Variants in DNAH12 observed in about 807,000 individuals in gnomAD.
DNAH12 encodes dynein axonemal heavy chain 12.
A neutral mutation model predicts 371.5 loss-of-function variants in DNAH12; 285 were observed. The observed-to-expected ratio is 0.77, with a 90% CI of 0.70 to 0.85. The LOEUF (loss-of-function observed/expected upper bound fraction) is 0.85. DNAH12 is among the 40% of genes least tolerant of loss of function. DNAH12 has a pLI of 0.00. For missense variants in DNAH12, 3,611 were observed against 3,689.4 expected, an observed-to-expected ratio of 0.98 and a Z score of 0.55; for synonymous variants, 1,200 against 1,213.0, an observed-to-expected ratio of 0.99 and a Z score of 0.22.
At chr3:57,416,948 C>T (rs1251846638) in intron 37 of DNAH12, among the ~76,000 whole-genome samples, 1 of 152,070 alleles carries the variant, frequency 6.6e-6, no homozygotes, top group East Asian at 1.9e-4. Context: ...TGTTACTACA[C>T]AATACATAAA....
At chr3:57,503,911 A>C (rs1200717644) in intron 9 of DNAH12, 105 bp downstream of exon 9, 1 of 899,374 alleles carries the variant, frequency 1.1e-6, no homozygotes, top group African/African-American at 1.7e-5. Context: ...TAATTGGGGG[A>C]GGAAAATAAC....
chr3:57,347,715 C>A (rs1553658546), intron 60 of DNAH12, among the ~76,000 whole-genome samples: 1 of 119,566 alleles, frequency 8.4e-6, no homozygotes, highest in African/African-American at 2.7e-5. Flanking sequence ...GATCAAGAAT[C>A]TGTCTTAAAA....
In DNAH12 at chr3:57,405,717, A is replaced by G; in HGVS notation, c.6512T>C (p.Ile2171Thr). The G allele has an allele frequency of 6.4e-7, 1 of 1,551,672 alleles. No individual in the cohort carries two copies. The highest frequency in any genetic ancestry group is 8.7e-7 in the Non-Finnish European group (1 of 1,146,974). ...AAATGATTCTTTAAAATGGTCCTTT[A>G]TAACAGTTTTAGTTAACTGGAACAG... ...RWLFQLTKTV[I>T]KDHFKESFHS... Residue 2171 changes from isoleucine to threonine, a missense_variant, in exon 41 of 74, where the codon ATA (isoleucine) becomes ACA (threonine). Ile to Thr is a moderately conservative substitution (Grantham distance 89). This residue lies in a region of DNAH12 where 2,266 missense variants were observed against 2,236.9 expected (regional missense o/e 1.01). Transcript: ENST00000495027.
intron 33 of DNAH12, 144 bp downstream of exon 33, chr3:57,429,547 C>A: frequency 1.4e-6 from 1 of 714,196 alleles, no homozygotes; most frequent in Non-Finnish European, 2.3e-6. Flanking sequence ...CTCATCCTCC[C>A]TAAACAAGCA....
intron 62 of DNAH12, among the ~76,000 whole-genome samples, chr3:57,328,547 G>T (rs1364819269): frequency 6.6e-6 from 1 of 151,776 alleles, no homozygotes. Flanking sequence ...ATTAGGTATT[G>T]ATGGGATGTA....
chr3:57,466,068 T>TCACACA (rs10616496), intron 17 of DNAH12, among the ~76,000 whole-genome samples: 13 of 149,626 alleles, frequency 8.7e-5, no homozygotes, highest in African/African-American at 2.0e-4. Context: ...CACATGCAAT[T>TCACACA]CACACACACA....
At chr3:57,552,125 G>C in the DNAH12 span, among the ~76,000 whole-genome samples, 2 of 151,744 alleles carry the variant, frequency 1.3e-5, no homozygotes, top group Admixed American at 1.3e-4. Flanking sequence ...GGTGCCTGCA[G>C]TCCCAGCTAC....
intron 37 of DNAH12, among the ~76,000 whole-genome samples, chr3:57,417,363 G>A (rs140409282): frequency 1.3e-3 from 191 of 152,258 alleles, no homozygotes; most frequent in African/African-American, 4.4e-3. Context: ...TATTAATTTT[G>A]AAAACTGTTA....
intron 59 of DNAH12, among the ~76,000 whole-genome samples, chr3:57,355,667 C>T (rs2062781990): frequency 6.6e-6 from 1 of 152,068 alleles, no homozygotes; most frequent in South Asian, 2.1e-4. Context: ...CCAATTACTC[C>T]ACATCCTCAC....
At chr3:57,307,333 C>T (rs996517180) in intron 69 of DNAH12, among the ~76,000 whole-genome samples, 5 of 152,142 alleles carry the variant, frequency 3.3e-5, no homozygotes, top group Non-Finnish European at 5.9e-5. Context: ...CTTTCCATTC[C>T]TTGAAGACAG....
At chr3:57,458,580 G>A (rs1251344315) in intron 20 of DNAH12, among the ~76,000 whole-genome samples, 1 of 152,052 alleles carries the variant, frequency 6.6e-6, no homozygotes, top group Non-Finnish European at 1.5e-5. Context: ...CAAGGAGTTG[G>A]CAAACTACAT....
chr3:57,390,797 C>T (rs2063607078), intron 45 of DNAH12, among the ~76,000 whole-genome samples: 1 of 151,938 alleles, frequency 6.6e-6, no homozygotes, highest in African/African-American at 2.4e-5. Context: ...CTTGTTTTGC[C>T]CTACTCCAAT....
intron 62 of DNAH12, among the ~76,000 whole-genome samples, chr3:57,325,128 C>A (rs2061907445): frequency 6.6e-6 from 1 of 152,256 alleles, no homozygotes; most frequent in Admixed American, 6.5e-5. Flanking sequence ...CTGTAGGCTC[C>A]ACCTCTGGGG....
intron 58 of DNAH12, among the ~76,000 whole-genome samples, chr3:57,360,668 C>T (rs1267077413): frequency 7.2e-6 from 1 of 138,674 alleles, no homozygotes; most frequent in Non-Finnish European, 1.5e-5. Flanking sequence ...GCCTGGGCAA[C>T]AAGAGCGAAA....
chr3:57,489,608 T>G lies in DNAH12; in HGVS notation c.1415A>C (p.Asp472Ala). Residue 472 changes from aspartate (D) to alanine (A), a missense_variant, in exon 12 of 74, where the codon GAT becomes GCT. By Grantham distance (126) the Asp-to-Ala change is moderately radical. Transcript: ENST00000495027. ...CAGGCCTGTCTTCAAATCTTCACAATCCAAACGCACCATAGTGTAATGAAT... is the reference window on the plus strand; with the variant it reads ...CAGGCCTGTCTTCAAATCTTCACAAGCCAAACGCACCATAGTGTAATGAAT... The part of the protein sequence containing the change: ...QWIHYTMVRL[D>A]CEDLKTGLTN... The G allele has an allele frequency of 1.3e-6, 2 of 1,543,866 alleles. No homozygotes were observed. Among genetic ancestry groups the G allele is most frequent in the African/African-American group, 1.4e-5 (1 of 72,566 alleles).
At chr3:57,429,069 A>G (rs1331782863) in intron 33 of DNAH12, among the ~76,000 whole-genome samples, 1 of 152,172 alleles carries the variant, frequency 6.6e-6, no homozygotes, top group Non-Finnish European at 1.5e-5. Context: ...TCCAAATCCA[A>G]TCTCCCTGGA....
chr3:57,484,357 A>G lies in DNAH12; in HGVS notation c.1515-846T>C, dbSNP rs150628524. On this transcript the variant is annotated intron_variant, in intron 12 of 73. Transcript: ENST00000495027. ...ATGAACCTAGATATCCTACAGCATT[A>G]TTCAACTAAAGTTACATTTCATGGA... 2.6e-3 allele frequency among the ~76,000 whole-genome samples: 393 copies of G among 152,298 alleles called. 1 individual carries two copies. The highest frequency in any genetic ancestry group is 7.9e-3 in the African/African-American group (329 of 41,560).
At chr3:57,343,071 C>T (rs1449129632) in intron 60 of DNAH12, among the ~76,000 whole-genome samples, 1 of 142,286 alleles carries the variant, frequency 7.0e-6, no homozygotes, top group African/African-American at 2.8e-5. Context: ...GACTCTGTCT[C>T]AAAAGAAAAA....
chr3:57,491,844 A>T lies in DNAH12; in HGVS notation c.1336-2157T>A, dbSNP rs571475037. On this transcript the variant is annotated intron_variant, in intron 11 of 73. Coordinates refer to ENST00000495027, the MANE Select transcript of DNAH12 (RefSeq NM_001366028.2). Reference sequence around the variant, plus strand: ...AACATGGTGAAACCCTATCTCTACAAAAAATACAAAAATTAGCCAGGTGTT... The same window carrying T: ...AACATGGTGAAACCCTATCTCTACATAAAATACAAAAATTAGCCAGGTGTT... Among the ~76,000 whole-genome samples, 7 of 152,148 alleles carry T rather than the reference A, an allele frequency of 4.6e-5. No homozygotes were observed. The South Asian group carries it at 1.5e-3, about 32-fold the overall frequency.
Sources: allele counts gnomAD v4.1 joint callset (sites outside exome capture counted in the v4.1 genomes callset), GRCh38; gene constraint gnomAD v4.1.1; regional missense constraint gnomAD v4.1.1; transcripts MANE v1.5; gene names NCBI Gene and HGNC (gene_info 2026-07-23, HGNC 2026-07-21).